Variants in LRRC37A observed in about 807,000 individuals in gnomAD.
LRRC37A encodes leucine-rich repeat-containing protein 37A.
In LRRC37A, 3 loss-of-function variants were observed where a neutral mutation model predicts 35.4. That is an observed-to-expected ratio of 0.08 (90% CI 0.04 to 0.22). LRRC37A has a LOEUF of 0.22. Among genes scored for constraint, LRRC37A ranks in the 10% least tolerant of loss-of-function variants. The pLI is 1.00. For synonymous variants in LRRC37A, 23 were observed against 215.0 expected (o/e 0.11, Z 7.81); for missense variants, 67 against 565.3 (o/e 0.12, Z 8.94).
chr17:46,265,818 C>T, the LRRC37A span, among the ~76,000 whole-genome samples: 4 of 152,210 alleles, frequency 2.6e-5, no homozygotes, highest in Admixed American at 2.6e-4. Flanking sequence ...ACCTCTGTGC[C>T]GGCCGTCGTG....
At chr17:46,289,541 T>C (rs1472628102), upstream of LRRC37A, among the ~76,000 whole-genome samples, 2 of 152,216 alleles carry the variant, frequency 1.3e-5, no homozygotes, top group East Asian at 3.9e-4. Flanking sequence ...GGTTTCACCA[T>C]GTTGGCTAGG....
chr17:46,265,012 G>A, the LRRC37A span, among the ~76,000 whole-genome samples: 57,037 of 149,202 alleles, frequency 0.38, 11,568 homozygotes, highest in South Asian at 0.64. Context: ...ACAGGGCCCC[G>A]AGGGCATGAA....
At chr17:46,275,703 T>C in the LRRC37A span, among the ~76,000 whole-genome samples, 1 of 152,202 alleles carries the variant, frequency 6.6e-6, no homozygotes, top group African/African-American at 2.4e-5. Context: ...ACTGGACAAA[T>C]AGAGACATTT....
the LRRC37A span, among the ~76,000 whole-genome samples, chr17:46,274,166 C>A: frequency 6.6e-6 from 1 of 152,218 alleles, no homozygotes; most frequent in East Asian, 1.9e-4. Context: ...TAATCATTAG[C>A]ACACATTCAA....
chr17:46,288,305 CTTTT>C (rs78255121), upstream of LRRC37A, among the ~76,000 whole-genome samples: 9 of 112,226 alleles, frequency 8.0e-5, no homozygotes, highest in Non-Finnish European at 1.0e-4. Flanking sequence ...CCAGGCCCGG[CTTTT>C]TTTTTTTTTT....
chr17:46,256,745 C>T, the LRRC37A span, among the ~76,000 whole-genome samples: 1 of 152,180 alleles, frequency 6.6e-6, no homozygotes, highest in Non-Finnish European at 1.5e-5. Context: ...TTAGCAGGCT[C>T]TTGACCCTAA....
rs1186536273 is a variant in LRRC37A, at chr17:46,300,056, A to G, written c.2681+191A>G. On this transcript the variant is annotated intron_variant, in intron 2 of 13. Coordinates refer to ENST00000320254, the Ensembl canonical transcript of LRRC37A. ...TAGGCTCTCTTTAAAATAAGAGGCA[A>G]TTTAAATTTATTTTTTATCATACAA... 7.6e-5 allele frequency among the ~76,000 whole-genome samples: 4 copies of G among 52,690 alleles called. 1 individual carries two copies. The Admixed American group carries it at 8.7e-4, about 11-fold the overall frequency. 34.6% of individuals were successfully genotyped at this position (52,690 alleles called of 152,430 possible). A position where few individuals can be genotyped will look rare whatever the true frequency, so the allele number is the denominator to read the frequency against.
the LRRC37A span, among the ~76,000 whole-genome samples, chr17:46,265,304 TTCTTCTTCTTCC>T: frequency 2.3e-5 from 3 of 130,046 alleles, no homozygotes; most frequent in South Asian, 2.4e-4. Flanking sequence ...CTTCTTCTTC[TTCTTCTTCTTCC>T]TCTTCTTCTT....
the LRRC37A span, among the ~76,000 whole-genome samples, chr17:46,286,680 T>C: frequency 7.6e-4 from 116 of 152,324 alleles, no homozygotes; most frequent in Non-Finnish European, 1.6e-3. Flanking sequence ...GAATTTGTAA[T>C]GTAAGTGTAT....
At chr17:46,255,425 G>A in the LRRC37A span, among the ~76,000 whole-genome samples, 2 of 147,612 alleles carry the variant, frequency 1.4e-5, no homozygotes, top group Non-Finnish European at 3.0e-5. Context: ...GAGTGCAGTG[G>A]CGCGATCTCT....
At chr17:46,266,536 G>A in the LRRC37A span, among the ~76,000 whole-genome samples, 51,920 of 148,770 alleles carry the variant, frequency 0.35, 9,886 homozygotes, top group East Asian at 0.74. Context: ...TAGCATGAAC[G>A]GGGACGCGGG....
chr17:46,261,104 T>G, the LRRC37A span, among the ~76,000 whole-genome samples: 1 of 152,192 alleles, frequency 6.6e-6, no homozygotes, highest in Non-Finnish European at 1.5e-5. Context: ...ATTAATTGGG[T>G]GCAGTCTATA....
chr17:46,266,649 CCT>C, the LRRC37A span, among the ~76,000 whole-genome samples: 2 of 152,206 alleles, frequency 1.3e-5, no homozygotes, highest in Admixed American at 1.3e-4. Context: ...CTTTCTGGCT[CCT>C]CTGTTTAATC....
At chr17:46,288,048 G>C (rs1435252457), upstream of LRRC37A, among the ~76,000 whole-genome samples, 1 of 152,126 alleles carries the variant, frequency 6.6e-6, no homozygotes, top group African/African-American at 2.4e-5. Context: ...GGCATTTCTT[G>C]GTAGATTCAC....
chr17:46,290,973 A>C (rs545434205), upstream of LRRC37A, among the ~76,000 whole-genome samples: 14 of 152,372 alleles, frequency 9.2e-5, no homozygotes, highest in African/African-American at 1.2e-4. Context: ...TACCTCAGGA[A>C]GCTTTTAAAT....
chr17:46,280,495 C>A, the LRRC37A span, among the ~76,000 whole-genome samples: 1 of 151,626 alleles, frequency 6.6e-6, no homozygotes, highest in Non-Finnish European at 1.5e-5. Context: ...GGTCATATAG[C>A]AAGACCCTGT....
intron 9 of LRRC37A, 24 bp from the exon 10 acceptor site, chr17:46,332,528 T>G (rs767748519): frequency 1.4e-6 from 2 of 1,430,592 alleles, no homozygotes; most frequent in African/African-American, 3.1e-5. Flanking sequence ...ATTCTGGTTT[T>G]TTTTTGTGTG....
At chr17:46,293,078 T>G (rs1177452620), upstream of LRRC37A, 2 of 48,666 alleles carry the variant, frequency 4.1e-5, 1 homozygote, top group Non-Finnish European at 1.2e-4. Context: ...CTCAGCCTCC[T>G]GAGTAGCTGG....
At chr17:46,280,173 G>T in the LRRC37A span, among the ~76,000 whole-genome samples, 267 of 152,080 alleles carry the variant, frequency 1.8e-3, no homozygotes, top group Middle Eastern at 3.4e-3. Flanking sequence ...AGACCAGCTT[G>T]GCCAACATGG....
Sources: allele counts gnomAD v4.1 joint callset (sites outside exome capture counted in the v4.1 genomes callset), GRCh38; gene constraint gnomAD v4.1.1; transcripts MANE v1.5; gene names NCBI Gene and HGNC (gene_info 2026-07-23, HGNC 2026-07-21).